ABHD3: variants seen among roughly 807,000 people sequenced by gnomAD.
The protein encoded by ABHD3 is abhydrolase domain containing 3, phospholipase, also known as phospholipase ABHD3.
ABHD3 carries 46 observed loss-of-function variants against 48.8 expected under a neutral mutation model. The observed-to-expected ratio is 0.94, with a 90% CI of 0.74 to 1.20. The LOEUF is 1.20. ABHD3 is among the 50% of genes most tolerant of loss of function. ABHD3 has a pLI of 0.00. For synonymous variants in ABHD3, 192 were observed against 183.7 expected (o/e 1.04, Z -0.36); for missense variants, 490 against 497.8 (o/e 0.98, Z 0.15).
intron 4 of ABHD3, among the ~76,000 whole-genome samples, chr18:21,679,294 C>T (rs980454594): frequency 3.3e-5 from 5 of 152,128 alleles, no homozygotes; most frequent in Non-Finnish European, 7.3e-5. Context: ...TAAATATCAA[C>T]GTTAGCTCTA....
At chr18:21,689,740 A>G (rs773109456) in intron 3 of ABHD3, among the ~76,000 whole-genome samples, 15 of 150,472 alleles carry the variant, frequency 1.0e-4, no homozygotes, top group Non-Finnish European at 1.5e-4. Flanking sequence ...CCTCATCTAT[A>G]CATATGTGAA....
chr18:21,656,520 T>C (rs1236257265), intron 8 of ABHD3, among the ~76,000 whole-genome samples: 1 of 152,214 alleles, frequency 6.6e-6, no homozygotes, highest in East Asian at 1.9e-4. Context: ...TTTATAGGAA[T>C]CTCAGGAAGA....
chr18:21,681,328 T>A (rs570496834), intron 4 of ABHD3, among the ~76,000 whole-genome samples: 10 of 152,300 alleles, frequency 6.6e-5, no homozygotes, highest in African/African-American at 2.4e-4. Flanking sequence ...GCATCTTCCA[T>A]CAGCCAGCCA....
At position 21,703,749 on chromosome 18, in the gene ABHD3, T is replaced by G; in HGVS notation, c.163-2A>C. The G allele has an allele frequency of 6.2e-7, 1 of 1,612,982 alleles. No individual in the cohort carries two copies. Among genetic ancestry groups the G allele is most frequent in the South Asian group, 1.1e-5 (1 of 91,070 alleles). ...ACCCCCGGTCACTAACTGGGGTTTC[T>G]GAAGGGAAAAGCAGTATCAGAGAAG... is the stretch of plus-strand genomic sequence containing the variant. On this transcript the variant is annotated splice_acceptor_variant, in intron 1 of 8. Coordinates refer to ENST00000289119, the MANE Select transcript of ABHD3 (RefSeq NM_138340.5). LOFTEE classifies it high-confidence loss of function.
Position 21,696,991 on chromosome 18 carries a change from G to C in ABHD3, c.509+5325C>G, listed in dbSNP as rs542085246. ...TCTTGCGGGCAGGAACTATCCAAAA[G>C]AGTACATACTCAATCCACCAGTGAA... On this transcript the variant is annotated intron_variant, in intron 3 of 8. Transcript: ENST00000289119. 6.6e-5 allele frequency among the ~76,000 whole-genome samples: 10 copies of C among 151,978 alleles called. No individual in the cohort carries two copies. In the South Asian group the frequency reaches 2.1e-3, roughly 32 times the overall value.
intron 4 of ABHD3, among the ~76,000 whole-genome samples, chr18:21,675,986 G>C (rs2039873974): frequency 6.6e-6 from 1 of 152,128 alleles, no homozygotes. Context: ...TCCCATGGTG[G>C]AGGGAGAAAG....
At chr18:21,699,587 C>T (rs768476436) in intron 3 of ABHD3, among the ~76,000 whole-genome samples, 7 of 152,190 alleles carry the variant, frequency 4.6e-5, no homozygotes, top group Non-Finnish European at 8.8e-5. Flanking sequence ...TACACTTTGA[C>T]TCTGGGCTGA....
intron 2 of ABHD3, among the ~76,000 whole-genome samples, chr18:21,703,217 C>CT (rs2040552429): frequency 1.9e-5 from 2 of 103,962 alleles, no homozygotes; most frequent in African/African-American, 3.8e-5. Flanking sequence ...CTTCTCACCC[C>CT]ACCCCCCCCC....
intron 3 of ABHD3, among the ~76,000 whole-genome samples, chr18:21,685,282 G>T (rs371009186): frequency 6.6e-6 from 1 of 152,162 alleles, no homozygotes; most frequent in South Asian, 2.1e-4. Context: ...AAGCAACAAA[G>T]AACCTACTGC....
intron 4 of ABHD3, among the ~76,000 whole-genome samples, chr18:21,669,665 T>C (rs1012986117): frequency 9.2e-5 from 14 of 152,130 alleles, no homozygotes; most frequent in African/African-American, 3.4e-4. Flanking sequence ...TAACCCATTT[T>C]CCTCTTCATG....
chr18:21,685,423 G>T (rs2040109202), intron 3 of ABHD3, among the ~76,000 whole-genome samples: 1 of 152,196 alleles, frequency 6.6e-6, no homozygotes, highest in Non-Finnish European at 1.5e-5. Context: ...AAGCCATATA[G>T]AAAATTTTAT....
intron 4 of ABHD3, among the ~76,000 whole-genome samples, chr18:21,672,067 G>A (rs2039769155): frequency 6.6e-6 from 1 of 151,992 alleles, no homozygotes; most frequent in Non-Finnish European, 1.5e-5. Flanking sequence ...TTTACCTATG[G>A]ACTACATCTA....
intron 3 of ABHD3, among the ~76,000 whole-genome samples, chr18:21,689,549 CAAAAA>C (rs36011228): frequency 6.9e-4 from 29 of 41,810 alleles, no homozygotes; most frequent in South Asian, 4.3e-3. Context: ...AATCTGGTCT[CAAAAA>C]AAAAAAAAAA....
intron 8 of ABHD3, among the ~76,000 whole-genome samples, chr18:21,652,637 T>TG (rs2039251095): frequency 6.6e-6 from 1 of 151,012 alleles, no homozygotes; most frequent in Middle Eastern, 3.2e-3. Context: ...TGGATGGGCG[T>TG]GGTGGCACGT....
chr18:21,681,600 G>C (rs1393551130), intron 4 of ABHD3, among the ~76,000 whole-genome samples: 1 of 152,110 alleles, frequency 6.6e-6, no homozygotes, highest in African/African-American at 2.4e-5. Context: ...ACATGACCAT[G>C]ATCAAATTAT....
intron 3 of ABHD3, among the ~76,000 whole-genome samples, chr18:21,689,581 T>C (rs1485342895): frequency 2.1e-5 from 2 of 95,812 alleles, no homozygotes; most frequent in Non-Finnish European, 3.9e-5. Context: ...AAAAGGGAAA[T>C]GCTCAGTCTC....
Position 21,661,117 on chromosome 18 carries a change from A to G in ABHD3, c.669-1774T>C, listed in dbSNP as rs1158811741. Reference sequence around the variant, plus strand: ...AACTACAAGCTAAAAAAAAAAAAAAAAAAAAAAAAGAGAAATAACCCCTGG... The same window carrying G: ...AACTACAAGCTAAAAAAAAAAAAAAGAAAAAAAAAGAGAAATAACCCCTGG... On this transcript the variant is annotated intron_variant, in intron 5 of 8. Coordinates refer to ENST00000289119, the MANE Select transcript of ABHD3 (RefSeq NM_138340.5). Among the ~76,000 whole-genome samples, 118 of 150,984 alleles carry G rather than the reference A, an allele frequency of 7.8e-4. 1 individual carries two copies. The highest frequency in any genetic ancestry group is 2.7e-3 in the African/African-American group (113 of 41,282).
chr18:21,687,419 G>A (rs1365421840), intron 3 of ABHD3, among the ~76,000 whole-genome samples: 1 of 151,900 alleles, frequency 6.6e-6, no homozygotes, highest in Non-Finnish European at 1.5e-5. Context: ...CACCGTGTTA[G>A]CCAGGACGGT....
At chr18:21,700,682 C>G (rs7226385) in intron 3 of ABHD3, among the ~76,000 whole-genome samples, 80,426 of 151,772 alleles carry the variant, frequency 0.53, 25,034 homozygotes, top group African/African-American at 0.87. Flanking sequence ...TTACAGGCGT[C>G]AGCCACTGCA....
Sources: allele counts gnomAD v4.1 joint callset (sites outside exome capture counted in the v4.1 genomes callset), GRCh38; gene constraint gnomAD v4.1.1; transcripts MANE v1.5; gene names NCBI Gene and HGNC (gene_info 2026-07-23, HGNC 2026-07-21).